WDR7: variants seen among roughly 807,000 people sequenced by gnomAD.
The protein encoded by WDR7 is WD repeat-containing protein 7.
In WDR7, 46 loss-of-function variants were observed where a neutral mutation model predicts 169.4. That is an observed-to-expected ratio of 0.27 (90% confidence interval 0.21 to 0.35). The LOEUF is 0.35. Ranked by LOEUF, WDR7 falls within the 10% of genes least tolerant of loss-of-function variation. WDR7 has a pLI of 1.00. For missense variants in WDR7, 1,534 were observed against 1,859.3 expected (o/e 0.83, Z 3.22); for synonymous variants, 612 against 666.8 (o/e 0.92, Z 1.27).
rs386387798 is a variant in WDR7, at chr18:56,820,339, C to CAAAAAAAAAAAAAAAAAAAAAAAAA, written c.3304+4196_3304+4220dup. The stretch of plus-strand genomic sequence containing the variant: ...AAGGGTCAAGAGTCACTGACATTGT[C>CAAAAAAAAAAAAAAAAAAAAAAAAA]AAAAAAAAAAAAAAAAAAAAAAAAA... On this transcript the variant is annotated intron_variant, in intron 20 of 27. Transcript: ENST00000254442. Among the ~76,000 whole-genome samples, 8 of 42,474 alleles carry CAAAAAAAAAAAAAAAAAAAAAAAAA rather than the reference C, an allele frequency of 1.9e-4. 3 individuals carry two copies. Among genetic ancestry groups the CAAAAAAAAAAAAAAAAAAAAAAAAA allele is most frequent in the Non-Finnish European group, 1.9e-4 (5 of 26,256 alleles). The allele number at this position is 42,474 out of a possible 152,430, so 27.9% of individuals were successfully genotyped here. A position where few individuals can be genotyped will look rare whatever the true frequency, so the allele number is the denominator to read the frequency against.
intron 26 of WDR7, among the ~76,000 whole-genome samples, chr18:56,988,103 A>AT (rs1249007850): frequency 1.3e-5 from 2 of 152,178 alleles, no homozygotes; most frequent in African/African-American, 2.4e-5. Context: ...CAGCCACCAG[A>AT]TTTAAGTTGA....
chr18:56,668,898 GTTT>G (rs34232858), intron 1 of WDR7, among the ~76,000 whole-genome samples: 4,417 of 147,718 alleles, frequency 0.03, 214 homozygotes, highest in African/African-American at 0.1. Flanking sequence ...CAAAATCTGT[GTTT>G]TTTTTTTTTT....
intron 26 of WDR7, among the ~76,000 whole-genome samples, chr18:57,016,716 A>G (rs922693580): frequency 2.0e-5 from 3 of 152,208 alleles, no homozygotes; most frequent in Admixed American, 2.0e-4. Context: ...AAACTTGGGT[A>G]CATTAAGTAT....
At chr18:56,736,917 G>A (rs1337699765) in intron 14 of WDR7, among the ~76,000 whole-genome samples, 1 of 152,182 alleles carries the variant, frequency 6.6e-6, no homozygotes, top group African/African-American at 2.4e-5. Flanking sequence ...AGGACATGGT[G>A]TTAAGAACAG....
intron 9 of WDR7, among the ~76,000 whole-genome samples, chr18:56,692,432 T>TTTTG (rs2025593715): frequency 3.5e-5 from 1 of 28,366 alleles, no homozygotes. Context: ...GAAAGCAGAG[T>TTTTG]TTTTTTTGTT....
chr18:56,726,359 G>A (rs1568160532), intron 13 of WDR7, among the ~76,000 whole-genome samples: 1 of 152,048 alleles, frequency 6.6e-6, no homozygotes, highest in Non-Finnish European at 1.5e-5. Flanking sequence ...CCTTGAAGAG[G>A]TCCTTCATAT....
intron 26 of WDR7, among the ~76,000 whole-genome samples, chr18:57,007,214 C>T (rs1027376213): frequency 1.4e-4 from 22 of 152,232 alleles, no homozygotes; most frequent in African/African-American, 4.6e-4. Flanking sequence ...CTCCTGACCT[C>T]GTGATCCACC....
At chr18:56,966,913 G>T (rs1218324528) in intron 26 of WDR7, among the ~76,000 whole-genome samples, 1 of 152,122 alleles carries the variant, frequency 6.6e-6, no homozygotes, top group African/African-American at 2.4e-5. Context: ...AGTCAAGCAG[G>T]GAACTCAGAG....
At chr18:56,830,527 C>G (rs777117115) in intron 20 of WDR7, among the ~76,000 whole-genome samples, 2 of 152,208 alleles carry the variant, frequency 1.3e-5, no homozygotes, top group Admixed American at 1.3e-4. Flanking sequence ...CAGCCCAGTT[C>G]AGCGTGTCAC....
intron 12 of WDR7, among the ~76,000 whole-genome samples, chr18:56,710,211 G>C (rs976350093): frequency 1.3e-5 from 2 of 151,886 alleles, no homozygotes; most frequent in African/African-American, 4.8e-5. Flanking sequence ...CACCGTGTTA[G>C]CCAGGATGGT....
intron 26 of WDR7, among the ~76,000 whole-genome samples, chr18:56,990,170 C>A (rs977544668): frequency 4.6e-5 from 7 of 152,228 alleles, no homozygotes; most frequent in Non-Finnish European, 8.8e-5. Flanking sequence ...GGGCACAGAG[C>A]TGAAGACCCA....
At chr18:56,991,143 A>AT (rs60092817) in intron 26 of WDR7, among the ~76,000 whole-genome samples, 3,223 of 110,600 alleles carry the variant, frequency 0.029, 173 homozygotes, top group Non-Finnish European at 0.035. Flanking sequence ...CCTTCTCCTC[A>AT]TTTTTTTTTT....
chr18:56,861,738 T>G (rs2045806787), intron 20 of WDR7, among the ~76,000 whole-genome samples: 1 of 152,282 alleles, frequency 6.6e-6, no homozygotes, highest in African/African-American at 2.4e-5. Context: ...ATGTTAAGGT[T>G]TAGCGGTTTT....
At chr18:56,902,935 G>A (rs2046422829) in intron 21 of WDR7, among the ~76,000 whole-genome samples, 1 of 152,172 alleles carries the variant, frequency 6.6e-6, no homozygotes. Flanking sequence ...CTAGGAATGT[G>A]TGAATTTTTG....
At chr18:56,768,200 C>T (rs2044097327) in intron 16 of WDR7, among the ~76,000 whole-genome samples, 2 of 152,090 alleles carry the variant, frequency 1.3e-5, no homozygotes, top group South Asian at 4.1e-4. Context: ...TATTGCTTCT[C>T]TCAGAAAAGC....
chr18:56,811,285 C>T (rs1482510691), intron 19 of WDR7, among the ~76,000 whole-genome samples: 1 of 152,066 alleles, frequency 6.6e-6, no homozygotes, highest in Non-Finnish European at 1.5e-5. Flanking sequence ...TTCGCTAGTA[C>T]TAAAATTGCT....
intron 14 of WDR7, among the ~76,000 whole-genome samples, chr18:56,756,040 A>G (rs1433652644): frequency 6.6e-6 from 1 of 152,216 alleles, no homozygotes; most frequent in East Asian, 1.9e-4. Flanking sequence ...GGAGAGAAAT[A>G]GAAAAGGGAG....
intron 19 of WDR7, among the ~76,000 whole-genome samples, chr18:56,814,673 A>G (rs1328149236): frequency 6.6e-6 from 1 of 152,010 alleles, no homozygotes; most frequent in Admixed American, 6.6e-5. Context: ...GGACTGAAAA[A>G]CTACTTCTTG....
chr18:56,935,772 T>C lies in WDR7; in HGVS notation c.3714-16T>C. On this transcript the variant is annotated splice_polypyrimidine_tract_variant and intron_variant, in intron 22 of 27. Coordinates refer to ENST00000254442, the MANE Select transcript of WDR7 (RefSeq NM_015285.3). Reference sequence around the variant, plus strand: ...TGCTTCTTTTCTTTTTTTCCCTTTTTCTGATCCCTGTTTAGCATCACAATG... The same window carrying C: ...TGCTTCTTTTCTTTTTTTCCCTTTTCCTGATCCCTGTTTAGCATCACAATG... 6.2e-7 allele frequency: 1 copy of C among 1,612,208 alleles called. No homozygotes were observed. The highest frequency in any genetic ancestry group is 8.5e-7 in the Non-Finnish European group (1 of 1,178,424).
Sources: gnomAD v4.1 joint callset for allele counts (sites outside exome capture counted in the v4.1 genomes callset) on GRCh38, gnomAD v4.1.1 for gene constraint, MANE v1.5 for transcripts, NCBI Gene and HGNC (gene_info 2026-07-23, HGNC 2026-07-21) for gene names.